NEK1: variants seen among roughly 807,000 people sequenced by gnomAD.
NEK1 encodes the protein NIMA related kinase 1.
A neutral mutation model predicts 182.1 loss-of-function variants in NEK1; 137 were observed. The ratio of observed to expected loss-of-function variants is 0.75; its 90% CI spans 0.65 to 0.87. NEK1 has a LOEUF of 0.87. Ranked by LOEUF, NEK1 falls within the 40% of genes least tolerant of loss-of-function variation. NEK1 has a pLI of 0.00. For missense variants in NEK1, 1,391 were observed against 1,494.4 expected (o/e 0.93, Z 1.14); for synonymous variants, 513 against 492.2 (o/e 1.04, Z -0.56).
At position 169,393,519 on chromosome 4, in the gene NEK1, C is replaced by A. The variant is rs1400437819; in HGVS notation, c.*991G>T. On this transcript the variant is annotated 3_prime_UTR_variant, in exon 36 of 36. Transcript: ENST00000507142. Reference sequence around the variant, plus strand: ...TGGACTGTAGACACCTCTAACGAAACCAGGTTATACTTGGCATATTGTGAT... The same window carrying A: ...TGGACTGTAGACACCTCTAACGAAAACAGGTTATACTTGGCATATTGTGAT... 6.6e-6 allele frequency: 1 copy of A among 152,148 alleles called. No individual in the cohort carries two copies. The highest frequency in any genetic ancestry group is 1.9e-4 in the East Asian group (1 of 5,198). The allele number at this position is 152,148 out of a possible 1,614,324, so 9.4% of individuals were successfully genotyped here.
intron 26 of NEK1, among the ~76,000 whole-genome samples, chr4:169,471,276 TTGATG>T (rs1745912655): frequency 6.6e-6 from 1 of 152,238 alleles, no homozygotes; most frequent in Admixed American, 6.5e-5. Flanking sequence ...CCTTTGGTCT[TTGATG>T]TTGGTGACCT....
At chr4:169,494,139 T>G (rs553385206) in intron 23 of NEK1, among the ~76,000 whole-genome samples, 2 of 152,218 alleles carry the variant, frequency 1.3e-5, no homozygotes, top group African/African-American at 4.8e-5. Context: ...AGGGAACATG[T>G]GCACAACGTG....
At chr4:169,574,728 C>T (rs572094810) in intron 12 of NEK1, among the ~76,000 whole-genome samples, 1 of 151,860 alleles carries the variant, frequency 6.6e-6, no homozygotes, top group Non-Finnish European at 1.5e-5. Context: ...ATGGCAGGAT[C>T]AGGCAGCAGG....
intron 18 of NEK1, chr4:169,555,038 A>C (rs1321868974): frequency 6.6e-6 from 1 of 152,220 alleles, no homozygotes; most frequent in Non-Finnish European, 1.5e-5. Flanking sequence ...CCTCCCACAA[A>C]ATTTGTCTCA....
At chr4:169,447,824 G>A (rs1374802391) in intron 27 of NEK1, among the ~76,000 whole-genome samples, 3 of 152,210 alleles carry the variant, frequency 2.0e-5, no homozygotes, top group East Asian at 1.9e-4. Flanking sequence ...AGCCGAGATC[G>A]TGCCACTGCA....
chr4:169,605,042 A>T (rs978601571), intron 2 of NEK1, among the ~76,000 whole-genome samples: 2 of 152,194 alleles, frequency 1.3e-5, no homozygotes, highest in African/African-American at 4.8e-5. Flanking sequence ...TACAAAAAAA[A>T]ATCAAGATAA....
chr4:169,459,288 G>A (rs1743498973), intron 27 of NEK1, among the ~76,000 whole-genome samples: 1 of 152,050 alleles, frequency 6.6e-6, no homozygotes, highest in Non-Finnish European at 1.5e-5. Context: ...ATGAAAAGAG[G>A]TTCAACATCA....
intron 27 of NEK1, among the ~76,000 whole-genome samples, chr4:169,456,379 A>C (rs908293709): frequency 3.3e-5 from 5 of 152,160 alleles, no homozygotes; most frequent in Admixed American, 3.3e-4. Context: ...TGCAGAAATA[A>C]ATAAAATAGA....
At chr4:169,595,008 C>G (rs1481682097) in intron 5 of NEK1, among the ~76,000 whole-genome samples, 1 of 151,982 alleles carries the variant, frequency 6.6e-6, no homozygotes. Flanking sequence ...ATCAAATAGG[C>G]CTTTGCTGCT....
chr4:169,438,686 T>C (rs1738872751), intron 27 of NEK1, among the ~76,000 whole-genome samples: 4 of 152,186 alleles, frequency 2.6e-5, no homozygotes, highest in Admixed American at 2.6e-4. Flanking sequence ...TACCTCAGAA[T>C]AGCTTAATGC....
chr4:169,558,426 T>C (rs1395719464), intron 16 of NEK1, among the ~76,000 whole-genome samples: 1 of 152,248 alleles, frequency 6.6e-6, no homozygotes. Context: ...TTGTGTTCCT[T>C]TGCAGTAAAT....
At chr4:169,480,275 A>T (rs12650025) in intron 23 of NEK1, among the ~76,000 whole-genome samples, 70,743 of 151,800 alleles carry the variant, frequency 0.47, 19,297 homozygotes, top group East Asian at 0.76. Flanking sequence ...TACAATCTTA[A>T]TATTTAGGCT....
At chr4:169,578,090 A>G (rs1025080534) in intron 11 of NEK1, among the ~76,000 whole-genome samples, 1 of 152,232 alleles carries the variant, frequency 6.6e-6, no homozygotes, top group Non-Finnish European at 1.5e-5. Flanking sequence ...GAGAAACTCC[A>G]TGCACAAGAA....
chr4:169,407,649 GACAA>G (rs1732881002), intron 31 of NEK1, among the ~76,000 whole-genome samples: 1 of 152,192 alleles, frequency 6.6e-6, no homozygotes, highest in South Asian at 2.1e-4. Context: ...GTGATAGATA[GACAA>G]GGCTATGAAA....
At chr4:169,512,270 A>T (rs1216776484) in intron 19 of NEK1, among the ~76,000 whole-genome samples, 1 of 152,128 alleles carries the variant, frequency 6.6e-6, no homozygotes, top group African/African-American at 2.4e-5. Flanking sequence ...TCAAAACTTC[A>T]TCAGCATTTG....
At chr4:169,428,373 A>ATATATATATATATATATATATATAG in intron 29 of NEK1, among the ~76,000 whole-genome samples, 2 of 23,644 alleles carry the variant, frequency 8.5e-5, no homozygotes, top group African/African-American at 1.7e-4. Flanking sequence ...TATATATATA[A>ATATATATATATATATATATATATAG]TGGAATATTA....
At chr4:169,459,420 C>T (rs986331539) in intron 27 of NEK1, among the ~76,000 whole-genome samples, 2 of 152,188 alleles carry the variant, frequency 1.3e-5, no homozygotes, top group Non-Finnish European at 2.9e-5. Context: ...GTAAAAGGAA[C>T]TCTCATTCAT....
At chr4:169,416,127 T>C (rs1734505392) in intron 31 of NEK1, among the ~76,000 whole-genome samples, 1 of 152,240 alleles carries the variant, frequency 6.6e-6, no homozygotes, top group African/African-American at 2.4e-5. Flanking sequence ...ACTGGAATCT[T>C]ACCTCCTTCA....
At chr4:169,564,531 A>G (rs1763394614) in intron 12 of NEK1, among the ~76,000 whole-genome samples, 1 of 152,144 alleles carries the variant, frequency 6.6e-6, no homozygotes, top group South Asian at 2.1e-4. Flanking sequence ...CTGAAAAGCA[A>G]ATTCAAAATA....
Sources: gnomAD v4.1 joint callset for allele counts (sites outside exome capture counted in the v4.1 genomes callset) on GRCh38, gnomAD v4.1.1 for gene constraint, MANE v1.5 for transcripts, NCBI Gene and HGNC (gene_info 2026-07-23, HGNC 2026-07-21) for gene names.